The following MKRN2OS variants were observed in gnomAD, a reference collection of about 807,000 sequenced individuals.
The protein encoded by MKRN2OS is MKRN2 opposite strand.
A neutral mutation model predicts 18.2 loss-of-function variants in MKRN2OS; 17 were observed. That is an observed-to-expected ratio of 0.93 (90% confidence interval 0.64 to 1.40). The LOEUF (loss-of-function observed/expected upper bound fraction) is 1.40, where lower values mean the gene tolerates loss of function less well. MKRN2OS is among the 40% of genes most tolerant of loss of function. The pLI is 0.00. For missense variants in MKRN2OS, 337 were observed against 283.0 expected (o/e 1.19, Z -1.37); for synonymous variants, 121 against 108.5 (o/e 1.12, Z -0.72).
At chr3:12,557,058 G>C (rs2057978748) in intron 1 of MKRN2OS, 4 of 1,268,122 alleles carry the variant, frequency 3.2e-6, no homozygotes, top group Non-Finnish European at 4.0e-6. Flanking sequence ...GGCGTGACGC[G>C]GCTACGCGGG....
At chr3:12,542,119 T>C in intron 2 of MKRN2OS, 97 bp from the exon 3 acceptor site, 2 of 1,234,086 alleles carry the variant, frequency 1.6e-6, no homozygotes, top group Non-Finnish European at 2.2e-6. Context: ...GTGGTAACTT[T>C]ACGTAACATA....
downstream of MKRN2OS, among the ~76,000 whole-genome samples, chr3:12,553,582 A>G (rs1439696297): frequency 6.6e-6 from 1 of 152,080 alleles, no homozygotes; most frequent in African/African-American, 2.4e-5. Flanking sequence ...AAAGTAAAAT[A>G]TTAAATATTT....
chr3:12,540,796 G>A (rs544833676), intron 3 of MKRN2OS, among the ~76,000 whole-genome samples: 29 of 151,172 alleles, frequency 1.9e-4, no homozygotes, highest in Non-Finnish European at 3.4e-4. Flanking sequence ...TGTTTGAACC[G>A]GCGGGAGGCA....
Position 12,540,069 on chromosome 3 carries a change from GCCA to G in MKRN2OS, c.*121_*123del. On this transcript the variant is annotated 3_prime_UTR_variant, in exon 4 of 4. Coordinates refer to ENST00000564146, the MANE Select transcript of MKRN2OS (RefSeq NM_001195279.2). ...CAAAGTGCTGGGATTACAGGTGTGAGCCACCATGCCCGGCCCATACACGCTTTT... is the reference window on the plus strand; with the variant it reads ...CAAAGTGCTGGGATTACAGGTGTGAGCCATGCCCGGCCCATACACGCTTTT... The G allele has an allele frequency of 7.3e-7, 1 of 1,378,494 alleles. No homozygotes were observed. The highest frequency in any genetic ancestry group is 1.4e-5 in the South Asian group (1 of 72,446). The allele number at this position is 1,378,494 out of a possible 1,614,324, so 85.4% of individuals were successfully genotyped here. A position where few individuals can be genotyped will look rare whatever the true frequency, so the allele number is the denominator to read the frequency against.
chr3:12,541,694 G>C (rs2057816247), intron 3 of MKRN2OS, among the ~76,000 whole-genome samples, 166 bp downstream of exon 3: 1 of 152,136 alleles, frequency 6.6e-6, no homozygotes, highest in East Asian at 1.9e-4. Context: ...AGAAAACCTA[G>C]GGTAGTTCAA....
chr3:12,548,959 G>A (rs1403559236), upstream of MKRN2OS, among the ~76,000 whole-genome samples: 1 of 151,924 alleles, frequency 6.6e-6, no homozygotes, highest in Non-Finnish European at 1.5e-5. Context: ...ATTTGAGACG[G>A]AATCTCACTC....
At chr3:12,552,102 C>T (rs549184458), downstream of MKRN2OS, among the ~76,000 whole-genome samples, 1 of 151,278 alleles carries the variant, frequency 6.6e-6, no homozygotes, top group Non-Finnish European at 1.5e-5. Context: ...GGTGAATCAC[C>T]AAGTCAGGAG....
At chr3:12,555,750 C>T (rs925817228) in intron 1 of MKRN2OS, among the ~76,000 whole-genome samples, 2 of 152,164 alleles carry the variant, frequency 1.3e-5, no homozygotes, top group African/African-American at 4.8e-5. Flanking sequence ...TAATATCCAG[C>T]CCCCACCCAC....
At chr3:12,548,139 G>C (rs753358645), upstream of MKRN2OS, among the ~76,000 whole-genome samples, 2 of 151,608 alleles carry the variant, frequency 1.3e-5, no homozygotes, top group Non-Finnish European at 2.9e-5. Flanking sequence ...GTGAAACCCC[G>C]TCTCTACTAA....
intron 2 of MKRN2OS, 86 bp downstream of exon 2, chr3:12,543,094 A>T: frequency 2.8e-6 from 3 of 1,069,600 alleles, no homozygotes; most frequent in Non-Finnish European, 4.1e-6. Context: ...ATCACTTATT[A>T]GATGTTGCCA....
At chr3:12,559,624 C>T (rs1485712869) in intron 1 of MKRN2OS, among the ~76,000 whole-genome samples, 2 of 152,158 alleles carry the variant, frequency 1.3e-5, no homozygotes, top group Non-Finnish European at 2.9e-5. Context: ...ATGACAAAGA[C>T]ACTCCATGTT....
chr3:12,556,725 G>A (rs1457063596), intron 1 of MKRN2OS, among the ~76,000 whole-genome samples: 2 of 152,144 alleles, frequency 1.3e-5, no homozygotes, highest in African/African-American at 4.8e-5. Flanking sequence ...GAATGGATAG[G>A]GGCATCCGGG....
chr3:12,553,016 CA>C (rs371579378), downstream of MKRN2OS, among the ~76,000 whole-genome samples: 49,263 of 100,260 alleles, frequency 0.49, 10,054 homozygotes, highest in East Asian at 0.81. Flanking sequence ...ACCCGGTCTC[CA>C]AAAAAAAAAA....
upstream of MKRN2OS, among the ~76,000 whole-genome samples, chr3:12,549,569 A>G (rs1177815315): frequency 6.6e-6 from 1 of 151,992 alleles, no homozygotes; most frequent in African/African-American, 2.4e-5. Flanking sequence ...ATTTTTTGAG[A>G]CAGGGTCTTG....
At chr3:12,559,391 G>C (rs1309640893) in intron 1 of MKRN2OS, among the ~76,000 whole-genome samples, 1 of 151,852 alleles carries the variant, frequency 6.6e-6, no homozygotes, top group East Asian at 1.9e-4. Context: ...TTTATTTTGG[G>C]GACCAGATCT....
intron 1 of MKRN2OS, among the ~76,000 whole-genome samples, chr3:12,556,640 C>T (rs981700973): frequency 5.3e-5 from 8 of 151,828 alleles, no homozygotes; most frequent in African/African-American, 1.9e-4. Context: ...TAAGGAATTT[C>T]CTTAAGTGGG....
At position 12,540,098 on chromosome 3, in the gene MKRN2OS, A is replaced by G; in HGVS notation, c.*95T>C. On this transcript the variant is annotated 3_prime_UTR_variant, in exon 4 of 4. Coordinates refer to ENST00000564146, the MANE Select transcript of MKRN2OS (RefSeq NM_001195279.2). ...CCATGCCCGGCCCATACACGCTTTTATTAACCACAGTTAAATGCATTTAGA... is the reference window on the plus strand; with the variant it reads ...CCATGCCCGGCCCATACACGCTTTTGTTAACCACAGTTAAATGCATTTAGA... 6.7e-7 allele frequency: 1 copy of G among 1,499,858 alleles called. No individual in the cohort carries two copies. The highest frequency in any genetic ancestry group is 1.2e-5 in the South Asian group (1 of 80,730). The allele number at this position is 1,499,858 out of a possible 1,614,324, so 92.9% of individuals were successfully genotyped here.
chr3:12,557,191 G>C lies in MKRN2OS; in HGVS notation n.265-3057C>G, dbSNP rs752518463. ...ATCACTTGCAGGTCAGTGCGCTGGA[G>C]CCAGGAGCTTCGGGCCGCTCCCCCA... On this transcript the variant is annotated intron_variant and non_coding_transcript_variant, in intron 1 of 1. Coordinates refer to the MKRN2OS transcript ENST00000447550. 7 of 1,534,670 alleles carry C rather than the reference G, an allele frequency of 4.6e-6. No homozygotes were observed. The African/African-American group carries it at 7.0e-5, about 15-fold the overall frequency.
At chr3:12,554,055 C>T (rs553012451) in exon 2 of MKRN2OS, 1 of 151,924 alleles carries the variant, frequency 6.6e-6, no homozygotes, top group African/African-American at 2.4e-5. Flanking sequence ...CCACCCTTCT[C>T]TTCTGTTTTC....
Sources: gnomAD v4.1 joint callset for allele counts (sites outside exome capture counted in the v4.1 genomes callset) on GRCh38, gnomAD v4.1.1 for gene constraint, MANE v1.5 for transcripts, NCBI Gene and HGNC (gene_info 2026-07-23, HGNC 2026-07-21) for gene names.